The following NOSTRIN variants were observed in gnomAD, a reference collection of about 807,000 sequenced individuals.
NOSTRIN encodes BM247 homolog.
NOSTRIN carries 63 observed loss-of-function variants against 59.0 expected under a neutral mutation model. That is an observed-to-expected ratio of 1.07 (90% CI 0.87 to 1.32). The LOEUF (loss-of-function observed/expected upper bound fraction) is 1.32, where lower values mean the gene tolerates loss of function less well. Ranked by LOEUF, NOSTRIN falls within the 40% of genes most tolerant of loss-of-function variation. The pLI, the probability that NOSTRIN is intolerant of heterozygous loss-of-function variation, is 0.00. For synonymous variants in NOSTRIN, 200 were observed against 165.4 expected (o/e 1.21, Z -1.61); for missense variants, 512 against 473.1 (o/e 1.08, Z -0.76).
At chr2:168,857,265 G>C (rs535285892) in intron 12 of NOSTRIN, among the ~76,000 whole-genome samples, 1 of 152,336 alleles carries the variant, frequency 6.6e-6, no homozygotes, top group South Asian at 2.1e-4. Flanking sequence ...CACAGGAGGA[G>C]CTCAAAAACT....
chr2:168,797,320 C>T (rs963947645), upstream of NOSTRIN, among the ~76,000 whole-genome samples: 1 of 151,964 alleles, frequency 6.6e-6, no homozygotes, highest in Non-Finnish European at 1.5e-5. Context: ...TGGTCTTGAA[C>T]TCCTGGGCTC....
At chr2:168,797,296 C>G (rs183222240), upstream of NOSTRIN, among the ~76,000 whole-genome samples, 86 of 151,814 alleles carry the variant, frequency 5.7e-4, no homozygotes, top group Non-Finnish European at 8.4e-4. Context: ...GGGGTTTTAC[C>G]ATGTTGCCCA....
upstream of NOSTRIN, among the ~76,000 whole-genome samples, chr2:168,794,401 G>T (rs1404258420): frequency 1.3e-5 from 2 of 149,190 alleles, no homozygotes; most frequent in Non-Finnish European, 3.0e-5. Flanking sequence ...GCCCAGGCTG[G>T]AGTGCAGTGG....
intron 7 of NOSTRIN, among the ~76,000 whole-genome samples, chr2:168,835,241 A>AT (rs150427137): frequency 0.051 from 7,691 of 150,880 alleles, 295 homozygotes; most frequent in Middle Eastern, 0.11. Context: ...TGCTCGGCTA[A>AT]TTTTTTTTTG....
chr2:168,836,227 G>A (rs971592665), intron 7 of NOSTRIN, among the ~76,000 whole-genome samples: 2 of 152,218 alleles, frequency 1.3e-5, no homozygotes, highest in Non-Finnish European at 2.9e-5. Context: ...AATACTCAGT[G>A]CCAGGACCTG....
intron 10 of NOSTRIN, among the ~76,000 whole-genome samples, chr2:168,853,794 C>T (rs1489469582): frequency 6.6e-6 from 1 of 152,176 alleles, no homozygotes; most frequent in African/African-American, 2.4e-5. Context: ...CTTCTTTTAT[C>T]TGTGTCACAG....
intron 1 of NOSTRIN, among the ~76,000 whole-genome samples, chr2:168,803,502 G>A (rs915514415): frequency 1.3e-5 from 2 of 152,100 alleles, no homozygotes; most frequent in African/African-American, 4.8e-5. Context: ...TGGGCGCTGA[G>A]ATAAAGTCAT....
chr2:168,845,999 G>A (rs982287955), intron 8 of NOSTRIN, among the ~76,000 whole-genome samples: 5 of 150,824 alleles, frequency 3.3e-5, no homozygotes, highest in African/African-American at 1.2e-4. Flanking sequence ...CCTGCCTCCT[G>A]AGAGCCATCT....
chr2:168,854,871 G>T (rs750445151), intron 10 of NOSTRIN, among the ~76,000 whole-genome samples: 11 of 152,224 alleles, frequency 7.2e-5, no homozygotes, highest in Middle Eastern at 3.4e-3. Flanking sequence ...ACCCATTCTG[G>T]AAAGAGCATA....
chr2:168,803,017 AAC>A (rs1236683742), intron 1 of NOSTRIN, among the ~76,000 whole-genome samples: 1 of 152,198 alleles, frequency 6.6e-6, no homozygotes, highest in Non-Finnish European at 1.5e-5. Flanking sequence ...TGGATACAAA[AAC>A]ACACAGAATG....
At chr2:168,815,631 T>C (rs1451546407) in intron 2 of NOSTRIN, among the ~76,000 whole-genome samples, 1 of 152,188 alleles carries the variant, frequency 6.6e-6, no homozygotes, top group African/African-American at 2.4e-5. Context: ...CAATAAAAAA[T>C]TGAAATTAAA....
intron 14 of NOSTRIN, 50 bp from the exon 15 acceptor site, chr2:168,861,910 T>C: frequency 1.3e-6 from 2 of 1,532,578 alleles, no homozygotes; most frequent in South Asian, 1.1e-5. Flanking sequence ...TCAGCTCATA[T>C]TCATTTGCCT....
chr2:168,846,029 G>A (rs962336298), intron 8 of NOSTRIN, among the ~76,000 whole-genome samples: 5 of 152,012 alleles, frequency 3.3e-5, no homozygotes, highest in East Asian at 1.9e-4. Flanking sequence ...TAGCCACAAC[G>A]TGAGACGACT....
At chr2:168,862,868 C>G (rs1376720126) in intron 15 of NOSTRIN, among the ~76,000 whole-genome samples, 9 of 152,048 alleles carry the variant, frequency 5.9e-5, no homozygotes, top group Admixed American at 5.9e-4. Context: ...GAATATTATC[C>G]ACGACAAGGA....
At chr2:168,786,978 C>T (rs959693244) in intron 1 of NOSTRIN, 1 of 152,170 alleles carries the variant, frequency 6.6e-6, no homozygotes, top group African/African-American at 2.4e-5. Flanking sequence ...ATCCACCTGC[C>T]TCAACCTTCC....
chr2:168,844,966 C>T (rs911573202), intron 8 of NOSTRIN, among the ~76,000 whole-genome samples: 1 of 151,918 alleles, frequency 6.6e-6, no homozygotes, highest in African/African-American at 2.4e-5. Context: ...CAGGCGGAAA[C>T]CCAACGGCTG....
chr2:168,853,283 G>C (rs1458484254), intron 10 of NOSTRIN, among the ~76,000 whole-genome samples: 10 of 152,132 alleles, frequency 6.6e-5, no homozygotes. Flanking sequence ...AGTGTAGGCT[G>C]GTTTTTATCC....
At chr2:168,835,358 C>T (rs905750243) in intron 7 of NOSTRIN, among the ~76,000 whole-genome samples, 1 of 152,188 alleles carries the variant, frequency 6.6e-6, no homozygotes, top group Non-Finnish European at 1.5e-5. Context: ...GGATTATAGG[C>T]ATGAGCCACC....
In NOSTRIN at chr2:168,816,372, C is replaced by T. The variant is rs888510955; in HGVS notation, c.113+4720C>T. Among the ~76,000 whole-genome samples, 20 of 152,196 alleles carry T rather than the reference C, an allele frequency of 1.3e-4. 1 individual carries two copies. Among genetic ancestry groups the T allele is most frequent in the African/African-American group, 4.3e-4 (18 of 41,530 alleles). On this transcript the variant is annotated intron_variant, in intron 2 of 15. Coordinates refer to ENST00000317647, the MANE Select transcript of NOSTRIN (RefSeq NM_001039724.4). Reference sequence around the variant, plus strand: ...CCTCATCATTTTATAAAAGGGCCTTCGAGAGCTGAACTCTGCCTTCCTGTT... The same window carrying T: ...CCTCATCATTTTATAAAAGGGCCTTTGAGAGCTGAACTCTGCCTTCCTGTT...
Sources: gnomAD v4.1 joint callset for allele counts (sites outside exome capture counted in the v4.1 genomes callset) on GRCh38, gnomAD v4.1.1 for gene constraint, MANE v1.5 for transcripts, NCBI Gene and HGNC (gene_info 2026-07-23, HGNC 2026-07-21) for gene names.